Variants in TRIM55 observed in about 807,000 individuals in gnomAD.
TRIM55 encodes the protein tripartite motif-containing protein 55.
Under a neutral mutation model 60.9 loss-of-function variants are expected in TRIM55, and 50 were observed. That is an observed-to-expected ratio of 0.82 (90% confidence interval 0.65 to 1.04). TRIM55 has a LOEUF of 1.04. Among genes scored for constraint, TRIM55 ranks in the 50% least tolerant of loss-of-function variants. The probability of loss-of-function intolerance (pLI) is 0.00; values close to 1 mark genes in which losing one functional copy is unlikely to be tolerated. For synonymous variants in TRIM55, 237 were observed against 238.1 expected, an observed-to-expected ratio of 1.00 and a Z score of 0.04; for missense variants, 681 against 666.9, an observed-to-expected ratio of 1.02 and a Z score of -0.23.
intron 2 of TRIM55, among the ~76,000 whole-genome samples, chr8:66,132,662 T>A (rs1809231266): frequency 6.6e-6 from 1 of 152,200 alleles, no homozygotes; most frequent in African/African-American, 2.4e-5. Context: ...TGAGCTTGGC[T>A]GCTCTCACCT....
intron 9 of TRIM55, among the ~76,000 whole-genome samples, chr8:66,162,599 A>G (rs146880022): frequency 0.082 from 12,483 of 151,962 alleles, 839 homozygotes; most frequent in African/African-American, 0.18. Context: ...GATTGGTACC[A>G]ATTCTTCTTT....
chr8:66,148,386 T>C (rs112294566), intron 4 of TRIM55, among the ~76,000 whole-genome samples: 3,626 of 152,310 alleles, frequency 0.024, 131 homozygotes, highest in African/African-American at 0.082. Context: ...TTAGGCAGTA[T>C]TGGATAAATA....
intron 2 of TRIM55, among the ~76,000 whole-genome samples, chr8:66,134,009 G>C (rs919325844): frequency 2.6e-5 from 4 of 152,072 alleles, no homozygotes; most frequent in African/African-American, 9.7e-5. Context: ...TGAAACAAAA[G>C]TTTCGAACAG....
At chr8:66,138,668 C>T (rs1207098842) in intron 4 of TRIM55, among the ~76,000 whole-genome samples, 6 of 152,330 alleles carry the variant, frequency 3.9e-5, no homozygotes, top group East Asian at 1.9e-4. Context: ...GGATCACAGG[C>T]GTGAGCCACC....
chr8:66,115,183 AATG>A, the TRIM55 span: 1 of 152,396 alleles, frequency 6.6e-6, no homozygotes, highest in Admixed American at 6.5e-5. Context: ...ACAGCAAATA[AATG>A]ATGTTTCTTT....
At chr8:66,155,550 A>T in intron 9 of TRIM55, 1 of 1,197,298 alleles carries the variant, frequency 8.4e-7, no homozygotes, top group Non-Finnish European at 1.2e-6. Flanking sequence ...CAAAATGAAA[A>T]GTCCATTGAA....
At position 66,153,472 on chromosome 8, in the gene TRIM55, G is replaced by A. The variant is rs190564067; in HGVS notation, c.1237-575G>A. Among the ~76,000 whole-genome samples, 149 of 152,304 alleles carry A rather than the reference G, an allele frequency of 9.8e-4. No individual in the cohort carries two copies. The Middle Eastern group carries it at 0.017, about 17-fold the overall frequency. On this transcript the variant is annotated intron_variant, in intron 8 of 9. Transcript: ENST00000315962. The stretch of plus-strand genomic sequence containing the variant: ...TGCTTCTGCAACTGCTTTTGAAGTG[G>A]ATTGAAACAAAACTCCAGAGGGGGA...
intron 4 of TRIM55, among the ~76,000 whole-genome samples, chr8:66,148,550 G>A (rs1810229879): frequency 6.6e-6 from 1 of 152,172 alleles, no homozygotes; most frequent in South Asian, 2.1e-4. Context: ...AGTTTGCAGT[G>A]GTGACTTGGG....
At chr8:66,147,040 G>C (rs1431981334) in intron 4 of TRIM55, among the ~76,000 whole-genome samples, 1 of 152,070 alleles carries the variant, frequency 6.6e-6, no homozygotes, top group South Asian at 2.1e-4. Flanking sequence ...CTACACAAAG[G>C]GTTGGACAAA....
At chr8:66,158,414 A>G (rs1810869817) in intron 9 of TRIM55, among the ~76,000 whole-genome samples, 1 of 152,164 alleles carries the variant, frequency 6.6e-6, no homozygotes, top group Non-Finnish European at 1.5e-5. Context: ...AAATAGACAA[A>G]CAAATTGGGT....
chr8:66,132,830 A>G (rs1809243097), intron 2 of TRIM55, among the ~76,000 whole-genome samples: 1 of 152,250 alleles, frequency 6.6e-6, no homozygotes, highest in Admixed American at 6.5e-5. Context: ...CCAATGAGGA[A>G]TATGGGAAAT....
At chr8:66,174,370 T>A (rs972234096) in intron 9 of TRIM55, 101 bp from the exon 10 acceptor site, 21 of 843,936 alleles carry the variant, frequency 2.5e-5, no homozygotes, top group Admixed American at 3.5e-5. Context: ...TAATAATAAT[T>A]GTTATTATTA....
At chr8:66,153,924 C>G in intron 8 of TRIM55, 123 bp from the exon 9 acceptor site, 1 of 946,650 alleles carries the variant, frequency 1.1e-6, no homozygotes, top group Non-Finnish European at 1.5e-6. Flanking sequence ...AAAACGGCCA[C>G]CAAGGCACTG....
At chr8:66,171,189 G>A (rs1300891392) in intron 9 of TRIM55, among the ~76,000 whole-genome samples, 1 of 152,160 alleles carries the variant, frequency 6.6e-6, no homozygotes, top group Non-Finnish European at 1.5e-5. Context: ...CACCCAGGTA[G>A]TAAGCCTAGC....
At chr8:66,127,484 C>G in intron 1 of TRIM55, 48 bp downstream of exon 1, 1 of 1,595,632 alleles carries the variant, frequency 6.3e-7, no homozygotes, top group Non-Finnish European at 8.6e-7. Context: ...GAAAAGATTC[C>G]CTCCTCTTGG....
intron 4 of TRIM55, among the ~76,000 whole-genome samples, chr8:66,143,057 C>T (rs553537986): frequency 6.6e-6 from 1 of 152,138 alleles, no homozygotes; most frequent in South Asian, 2.1e-4. Context: ...TTTTGAAGTT[C>T]CTTATTTCAA....
chr8:66,135,180 C>T lies in TRIM55; in HGVS notation c.507+25C>T, dbSNP rs199754339. The T allele has an allele frequency of 3.9e-3, 6,242 of 1,613,144 alleles. 23 individuals are homozygous for T. Among genetic ancestry groups the T allele is most frequent in the Middle Eastern group, 5.4e-3 (32 of 5,952 alleles). On this transcript the variant is annotated intron_variant, in intron 3 of 9. Transcript: ENST00000315962. ...GGTAACAGAGCTGCTCCCTCCCTCC[C>T]GCAACCCCTCCCCATCCCCACACCT... is the stretch of plus-strand genomic sequence containing the variant.
chr8:66,153,965 A>C, intron 8 of TRIM55, 82 bp from the exon 9 acceptor site: 1 of 1,407,180 alleles, frequency 7.1e-7, no homozygotes. Flanking sequence ...TTCAAACCCA[A>C]AGGGAACTAA....
rs185667348 is a variant in TRIM55 at position 66,170,859 on chromosome 8, C to A, written c.1525-3612C>A. On this transcript the variant is annotated intron_variant, in intron 9 of 9. Coordinates refer to ENST00000315962, the MANE Select transcript of TRIM55 (RefSeq NM_184085.2). The stretch of plus-strand genomic sequence containing the variant: ...AGATATTTGCACACTCCTGTTCAAG[C>A]AACATTATTCACAATAGCCAAGAGG... Among the ~76,000 whole-genome samples, 342 of 152,304 alleles carry A rather than the reference C, an allele frequency of 2.2e-3. 1 individual carries two copies. Among genetic ancestry groups the A allele is most frequent in the Non-Finnish European group, 3.9e-3 (268 of 68,016 alleles).
Sources: allele counts gnomAD v4.1 joint callset (sites outside exome capture counted in the v4.1 genomes callset), GRCh38; gene constraint gnomAD v4.1.1; transcripts MANE v1.5; gene names NCBI Gene and HGNC (gene_info 2026-07-23, HGNC 2026-07-21).